Variants in DMBT1 observed in about 807,000 individuals in gnomAD.
The protein encoded by DMBT1 is deleted in malignant brain tumors 1.
Under a neutral mutation model 252.9 loss-of-function variants are expected in DMBT1, and 198 were observed. The ratio of observed to expected loss-of-function variants is 0.78; its 90% CI spans 0.70 to 0.88. The LOEUF (loss-of-function observed/expected upper bound fraction) is 0.88, where lower values mean the gene tolerates loss of function less well. Among genes scored for constraint, DMBT1 ranks in the 40% least tolerant of loss-of-function variants. The pLI, the probability that DMBT1 is intolerant of heterozygous loss-of-function variation, is 0.00. For synonymous variants in DMBT1, 990 were observed against 942.7 expected, an observed-to-expected ratio of 1.05 and a Z score of -0.92; for missense variants, 2,432 against 2,404.7, an observed-to-expected ratio of 1.01 and a Z score of -0.24.
chr10:122,639,335 A>G (rs191407038), intron 54 of DMBT1, among the ~76,000 whole-genome samples: 10 of 152,308 alleles, frequency 6.6e-5, no homozygotes, highest in African/African-American at 1.9e-4. Flanking sequence ...AAGACCACCA[A>G]ACAAGCTTTG....
chr10:122,636,871 A>T (rs544982112), intron 53 of DMBT1, among the ~76,000 whole-genome samples: 282 of 152,342 alleles, frequency 1.9e-3, no homozygotes, highest in African/African-American at 6.3e-3. Flanking sequence ...CCACTTATTT[A>T]AAAATCCTGC....
At chr10:122,622,160 A>G (rs2098076224) in intron 44 of DMBT1, among the ~76,000 whole-genome samples, 1 of 152,192 alleles carries the variant, frequency 6.6e-6, no homozygotes, top group Non-Finnish European at 1.5e-5. Flanking sequence ...GAAATGGTGG[A>G]CAGAATCTGC....
intron 46 of DMBT1, among the ~76,000 whole-genome samples, chr10:122,628,788 C>T (rs2098136787): frequency 6.6e-6 from 1 of 152,028 alleles, no homozygotes; most frequent in Admixed American, 6.5e-5. Flanking sequence ...TCTATAGAGA[C>T]AGAAAAGTAG....
intron 46 of DMBT1, among the ~76,000 whole-genome samples, chr10:122,627,717 A>C (rs555269704): frequency 9.7e-4 from 148 of 152,316 alleles, no homozygotes; most frequent in Non-Finnish European, 1.5e-3. Flanking sequence ...CCCAGTGTAG[A>C]AATAGAAAGG....
At chr10:122,632,020 G>A (rs1267821028) in intron 50 of DMBT1, 145 bp downstream of exon 50, 22 of 934,194 alleles carry the variant, frequency 2.4e-5, no homozygotes, top group South Asian at 7.3e-5. Flanking sequence ...CTCCCCTGCC[G>A]GCCACCAGGA....
Position 122,598,904 on chromosome 10 carries a change from C to T in DMBT1, c.3087C>T (p.Val1029=), listed in dbSNP as rs2277242. The change falls in exon 26 of 56, where the codon GTC becomes GTT. Residue 1029 remains valine, a synonymous_variant. Transcript: ENST00000338354. ...DDSWDTNDAN[V]VCRQLGCGWA... is the part of the protein sequence containing the mutation. ...GCTGGGACACCAATGATGCCAATGTCGTCTGCAGGCAACTGGGCTGTGGCT... is the reference window on the plus strand; with the variant it reads ...GCTGGGACACCAATGATGCCAATGTTGTCTGCAGGCAACTGGGCTGTGGCT... The T allele has an allele frequency of 2.8e-5, 45 of 1,613,602 alleles. No homozygotes were observed. The Admixed American group carries it at 5.0e-4, about 18-fold the overall frequency.
At chr10:122,581,132 C>T (rs2097765067) in intron 11 of DMBT1, among the ~76,000 whole-genome samples, 1 of 148,704 alleles carries the variant, frequency 6.7e-6, no homozygotes, top group African/African-American at 2.5e-5. Flanking sequence ...CAGTTTCATA[C>T]TGTCCCAGTG....
chr10:122,634,488 CTT>C (rs1566010365), intron 52 of DMBT1, among the ~76,000 whole-genome samples: 1 of 82,082 alleles, frequency 1.2e-5, no homozygotes, highest in Non-Finnish European at 2.3e-5. Flanking sequence ...CTCTTTCTCT[CTT>C]TTTCTTTCTT....
In DMBT1 at chr10:122,585,536, G is replaced by A. The variant is rs1354250389; in HGVS notation, c.1459+227G>A. ...CGTGGAATCCTGTTCCAAGTGGTCA[G>A]GAAACATCCTCATCCAGGTGCCAAG... On this transcript the variant is annotated intron_variant, in intron 15 of 55. Coordinates refer to ENST00000338354, the MANE Select transcript of DMBT1 (RefSeq NM_001377530.1). Among the ~76,000 whole-genome samples the A allele has an allele frequency of 1.4e-5, 2 of 148,126 alleles. 1 individual carries two copies. Among genetic ancestry groups the A allele is most frequent in the Non-Finnish European group, 3.0e-5 (2 of 66,566 alleles).
chr10:122,585,788 A>C (rs552891356), intron 15 of DMBT1, among the ~76,000 whole-genome samples: 5 of 148,690 alleles, frequency 3.4e-5, no homozygotes, highest in Admixed American at 2.0e-4. Context: ...GTGTAGCTCC[A>C]TCCTGTGTGT....
Position 122,592,217 on chromosome 10 carries a change from T to G in DMBT1, c.2177-55T>G. Reference sequence around the variant, plus strand: ...AAGTACCCTGAGTGTGGAACGTGCCTTAGATCCTTACCTCATGGTAGGGAT... The same window carrying G: ...AAGTACCCTGAGTGTGGAACGTGCCGTAGATCCTTACCTCATGGTAGGGAT... On this transcript the variant is annotated intron_variant, in intron 19 of 55. Coordinates refer to ENST00000338354, the MANE Select transcript of DMBT1 (RefSeq NM_001377530.1). 1.3e-6 allele frequency: 2 copies of G among 1,574,560 alleles called. 1 individual carries two copies. Among genetic ancestry groups the G allele is most frequent in the Non-Finnish European group, 1.7e-6 (2 of 1,160,166 alleles).
In DMBT1 at chr10:122,628,410, C is replaced by T. The variant is rs150478350; in HGVS notation, c.5669-1430C>T. On this transcript the variant is annotated intron_variant, in intron 46 of 55. Coordinates refer to ENST00000338354, the MANE Select transcript of DMBT1 (RefSeq NM_001377530.1). ...CAGCATTTTGGGAGGCCAAGATGGG[C>T]GGATTGGCTGAGGTCAGGACTTCGA... Among the ~76,000 whole-genome samples, 741 of 152,174 alleles carry T rather than the reference C, an allele frequency of 4.9e-3. 2 individuals are homozygous for T. The highest frequency in any genetic ancestry group is 0.016 in the African/African-American group (673 of 41,508).
In DMBT1 at chr10:122,598,997, G is replaced by A. The variant is rs1370001543; in HGVS notation, c.3180G>A (p.Val1060=). ...QGSGPIVLDD[V]RCSGHESYLW... Reference sequence around the variant, plus strand: ...CAGGACCCATTGTCCTGGATGATGTGCGCTGCTCAGGACACGAGTCTTACC... The same window carrying A: ...CAGGACCCATTGTCCTGGATGATGTACGCTGCTCAGGACACGAGTCTTACC... The change falls in exon 26 of 56, where the codon GTG becomes GTA. Residue 1060 remains valine (V), a synonymous_variant. Transcript: ENST00000338354. 1.2e-6 allele frequency: 2 copies of A among 1,613,668 alleles called. No individual in the cohort carries two copies. Among genetic ancestry groups the A allele is most frequent in the Admixed American group, 3.3e-5 (2 of 59,996 alleles).
rs775115411 is a variant in DMBT1, at chr10:122,570,215, G to A, written c.139+6G>A. Reference sequence around the variant, plus strand: ...GGATCCAACTGTAGCAGAAGGTAAGGTCTATTATGGGGGAACCCTGTGGGC... The same window carrying A: ...GGATCCAACTGTAGCAGAAGGTAAGATCTATTATGGGGGAACCCTGTGGGC... On this transcript the variant is annotated splice_donor_region_variant and intron_variant, in intron 3 of 55. Transcript: ENST00000338354. The A allele has an allele frequency of 1.9e-6, 3 of 1,580,162 alleles. No individual in the cohort carries two copies. The Admixed American group carries it at 5.0e-5, about 26-fold the overall frequency.
chr10:122,597,414 A>G (rs1233840611), intron 24 of DMBT1, among the ~76,000 whole-genome samples: 1 of 152,160 alleles, frequency 6.6e-6, no homozygotes, highest in African/African-American at 2.4e-5. Flanking sequence ...CTGGGTAGCC[A>G]ATGTCAGCTA....
chr10:122,578,723 TG>T lies in DMBT1; in HGVS notation c.645del (p.Trp215CysfsTer20). 1 of 1,609,018 alleles carries T rather than the reference TG, an allele frequency of 6.2e-7. No homozygotes were observed. The highest frequency in any genetic ancestry group is 8.5e-7 in the Non-Finnish European group (1 of 1,177,426). On this transcript the variant is annotated frameshift_variant, in exon 9 of 56. Coordinates refer to ENST00000338354, the MANE Select transcript of DMBT1 (RefSeq NM_001377530.1). LOFTEE classifies it high-confidence loss of function. ...CTCTTTGTTGCTGTTTACAGAAAGT[TG>T]GCCTGTCAGGATATCACCACCTGTA... The part of the protein sequence containing the change: ...QPQSTLRPES[W>X]PVRISPPVPT...
In DMBT1 at chr10:122,598,957, G is replaced by A. The variant is rs200353568; in HGVS notation, c.3140G>A (p.Arg1047Gln). Residue 1047 changes from arginine to glutamine, a missense_variant, in exon 26 of 56, where the codon CGG (arginine) becomes CAG (glutamine). Physicochemically the swap from Arg to Gln is conservative, Grantham distance 43. Transcript: ENST00000338354. ...GWAMSAPGNA[R>Q]FGQGSGPIVL... Reference sequence around the variant, plus strand: ...GCCATGTCAGCCCCAGGAAATGCCCGGTTTGGTCAGGGCTCAGGACCCATT... The same window carrying A: ...GCCATGTCAGCCCCAGGAAATGCCCAGTTTGGTCAGGGCTCAGGACCCATT... The A allele has an allele frequency of 9.7e-5, 156 of 1,613,766 alleles. No homozygotes were observed. The highest frequency in any genetic ancestry group is 2.6e-4 in the South Asian group (24 of 91,070).
intron 20 of DMBT1, among the ~76,000 whole-genome samples, chr10:122,593,004 A>G (rs1386415444): frequency 1.3e-5 from 2 of 148,756 alleles, no homozygotes; most frequent in Non-Finnish European, 3.0e-5. Flanking sequence ...TCTGAAAGTG[A>G]GTTCTCAGCT....
intron 3 of DMBT1, 114 bp from the exon 4 acceptor site, chr10:122,570,776 G>A: frequency 1.5e-6 from 2 of 1,305,444 alleles, no homozygotes; most frequent in African/African-American, 1.5e-5. Flanking sequence ...AGCAATGGAG[G>A]TTGCCCTTAG....
Sources: allele counts gnomAD v4.1 joint callset (sites outside exome capture counted in the v4.1 genomes callset), GRCh38; gene constraint gnomAD v4.1.1; transcripts MANE v1.5; gene names NCBI Gene and HGNC (gene_info 2026-07-23, HGNC 2026-07-21).